RHCE: variants seen among roughly 807,000 people sequenced by gnomAD.
The protein encoded by RHCE is blood group Rh(CE) polypeptide.
In RHCE, 22 loss-of-function variants were observed where a neutral mutation model predicts 43.8. That is an observed-to-expected ratio of 0.50 (90% CI 0.36 to 0.72). The LOEUF (loss-of-function observed/expected upper bound fraction) is 0.72, where lower values mean the gene tolerates loss of function less well. Ranked by LOEUF, RHCE falls within the 30% of genes least tolerant of loss-of-function variation. The probability of loss-of-function intolerance (pLI) is 0.00; values close to 1 mark genes in which losing one functional copy is unlikely to be tolerated. For missense variants in RHCE, 385 were observed against 525.4 expected, an observed-to-expected ratio of 0.73 and a Z score of 2.61; for synonymous variants, 156 against 210.7, an observed-to-expected ratio of 0.74 and a Z score of 2.25.
At chr1:25,415,423 C>G (rs1340922491) in intron 1 of RHCE, among the ~76,000 whole-genome samples, 1 of 152,170 alleles carries the variant, frequency 6.6e-6, no homozygotes, top group African/African-American at 2.4e-5. Context: ...GAGGCCGAGG[C>G]GGGTGGATCA....
At chr1:25,425,127 T>C (rs577567676), upstream of RHCE, among the ~76,000 whole-genome samples, 2 of 152,210 alleles carry the variant, frequency 1.3e-5, no homozygotes, top group Admixed American at 1.3e-4. Flanking sequence ...GTGTATTTGT[T>C]CATTATCTGC....
chr1:25,428,054 C>T (rs1017824572), intron 2 of RHCE, among the ~76,000 whole-genome samples: 1 of 152,214 alleles, frequency 6.6e-6, no homozygotes, highest in African/African-American at 2.4e-5. Flanking sequence ...AACTCTCAGC[C>T]ACAACCTCCA....
chr1:25,424,190 C>G (rs890287876), upstream of RHCE, among the ~76,000 whole-genome samples: 23 of 152,188 alleles, frequency 1.5e-4, no homozygotes, highest in African/African-American at 4.8e-4. Context: ...GTAGGTGACA[C>G]TAAGCTATGA....
rs186533807 is a variant in RHCE at position 25,405,451 on chromosome 1, G to A, written c.336-2705C>T. ...GTGGATCACTTGAGGTCAGGAGTTC[G>A]AGACCAACCTGACCCACCTGGTGAA... On this transcript the variant is annotated intron_variant, in intron 2 of 9. Transcript: ENST00000294413. Among the ~76,000 whole-genome samples the A allele has an allele frequency of 2.5e-3, 375 of 152,264 alleles. 1 individual carries two copies. The highest frequency in any genetic ancestry group is 8.6e-3 in the African/African-American group (359 of 41,540).
At chr1:25,379,487 ATATATATATTTTTTTT>A (rs1195381244) in intron 7 of RHCE, among the ~76,000 whole-genome samples, 22 of 20,934 alleles carry the variant, frequency 1.1e-3, no homozygotes, top group East Asian at 5.2e-3. Context: ...ATATATATAT[ATATATATATTTTTTTT>A]TTTTTTTTTT....
chr1:25,416,917 T>G (rs960256362), intron 1 of RHCE, among the ~76,000 whole-genome samples: 27 of 149,028 alleles, frequency 1.8e-4, no homozygotes, highest in Non-Finnish European at 3.7e-4. Context: ...CCAGGGTGTT[T>G]TTTTTTTTTT....
At chr1:25,414,200 G>C (rs1393447834) in intron 1 of RHCE, among the ~76,000 whole-genome samples, 3 of 151,702 alleles carry the variant, frequency 2.0e-5, no homozygotes, top group African/African-American at 7.3e-5. Context: ...CAAAGAGTTC[G>C]TTTGGATAAC....
upstream of RHCE, chr1:25,420,935 T>C (rs2042752288): frequency 6.6e-7 from 1 of 1,517,478 alleles, no homozygotes; most frequent in Non-Finnish European, 8.9e-7. Flanking sequence ...GGCCTGTCTA[T>C]GGAGTTAACA....
intron 3 of RHCE, chr1:25,399,187 T>A (rs1487093055): frequency 5.0e-6 from 5 of 1,007,622 alleles, no homozygotes; most frequent in Non-Finnish European, 8.0e-6. Flanking sequence ...GTTGCCATGC[T>A]GTGGAAGCTC....
chr1:25,362,718 G>A (rs1262984232), intron 9 of RHCE, among the ~76,000 whole-genome samples, 165 bp from the exon 10 acceptor site: 2 of 58,558 alleles, frequency 3.4e-5, no homozygotes, highest in Admixed American at 2.1e-4. Flanking sequence ...TTCATCTAAC[G>A]TTTTACATGG....
intron 7 of RHCE, among the ~76,000 whole-genome samples, chr1:25,382,907 A>G (rs1231843052): frequency 2.0e-5 from 3 of 152,274 alleles, no homozygotes; most frequent in Admixed American, 2.0e-4. Flanking sequence ...TTACATTTAA[A>G]TAAATGAATT....
chr1:25,393,157 A>T (rs1353040935), intron 3 of RHCE, among the ~76,000 whole-genome samples: 2 of 152,194 alleles, frequency 1.3e-5, no homozygotes, highest in Non-Finnish European at 1.5e-5. Flanking sequence ...TTCTAAAAAT[A>T]CCCAGAATTG....
rs1396291736 is a variant in RHCE, at chr1:25,415,555, G to T, written c.148+5084C>A. Among the ~76,000 whole-genome samples the T allele has an allele frequency of 2.2e-4, 34 of 152,302 alleles. No homozygotes were observed. In the East Asian group the frequency reaches 5.0e-3, roughly 22 times the overall value. ...TAATCCCAGCTACTCGGGAGGCTGA[G>T]GCAGGAGAATTACTTGAACCTGGGA... On this transcript the variant is annotated intron_variant, in intron 1 of 9. Transcript: ENST00000294413.
intron 7 of RHCE, among the ~76,000 whole-genome samples, chr1:25,380,666 T>C (rs139714448): frequency 1.3e-4 from 20 of 152,278 alleles, no homozygotes; most frequent in East Asian, 9.7e-4. Flanking sequence ...CTGTGGCCAC[T>C]TGAACCACAG....
At chr1:25,421,258 C>A (rs1359571294), upstream of RHCE, among the ~76,000 whole-genome samples, 1 of 152,042 alleles carries the variant, frequency 6.6e-6, no homozygotes, top group Non-Finnish European at 1.5e-5. Flanking sequence ...GAGCTCTTAA[C>A]AACAATGTAT....
At chr1:25,412,708 CTT>C (rs1209839554) in intron 1 of RHCE, among the ~76,000 whole-genome samples, 5 of 103,174 alleles carry the variant, frequency 4.8e-5, no homozygotes, top group African/African-American at 1.0e-4. Flanking sequence ...GAGGGAGACC[CTT>C]TTTTTAAAAA....
chr1:25,379,098 G>A (rs1395888732), intron 7 of RHCE, among the ~76,000 whole-genome samples: 2 of 152,066 alleles, frequency 1.3e-5, no homozygotes, highest in Non-Finnish European at 2.9e-5. Context: ...TATAGCTCAT[G>A]GTTCTGGAGG....
intron 7 of RHCE, among the ~76,000 whole-genome samples, chr1:25,376,976 T>C (rs146783788): frequency 3.3e-5 from 5 of 152,050 alleles, no homozygotes; most frequent in African/African-American, 1.2e-4. Flanking sequence ...CCTGCTGCTC[T>C]TGTAGGGAGT....
At position 25,390,750 on chromosome 1, in the gene RHCE, A is replaced by T. The variant is rs1132764; in HGVS notation, c.800T>A (p.Met267Lys). 603 of 1,613,718 alleles carry T rather than the reference A, an allele frequency of 3.7e-4. 5 individuals are homozygous for T. The African/African-American group carries it at 5.9e-3, about 16-fold the overall frequency. Residue 267 changes from methionine (M) to lysine (K), a missense_variant and splice_region_variant, in exon 5 of 10, where the codon ATG becomes AAG. Physicochemically the swap from Met to Lys is moderately conservative, Grantham distance 95. Coordinates refer to ENST00000294413, the MANE Select transcript of RHCE (RefSeq NM_020485.8). ...SLAHPQRKIS[M>K]TYVHSAVLAG... is the part of the protein sequence containing the mutation. ...GCCCAAGGGCAGCGCCCTGCTCACC[A>T]TGCTGATCTTCCTTTGGGGGTGAGC... is the stretch of plus-strand genomic sequence containing the variant.
Sources: allele counts gnomAD v4.1 joint callset (sites outside exome capture counted in the v4.1 genomes callset), GRCh38; gene constraint gnomAD v4.1.1; transcripts MANE v1.5; gene names NCBI Gene and HGNC (gene_info 2026-07-23, HGNC 2026-07-21).